SIRT1: variants seen among roughly 807,000 people sequenced by gnomAD.
SIRT1 encodes the protein NAD-dependent protein deacetylase sirtuin-1.
Under a neutral mutation model 67.9 loss-of-function variants are expected in SIRT1, and 24 were observed. The ratio of observed to expected loss-of-function variants is 0.35; its 90% CI spans 0.26 to 0.50. SIRT1 has a LOEUF of 0.50. SIRT1 is among the 20% of genes least tolerant of loss of function. The probability of loss-of-function intolerance (pLI) is 0.98; values close to 1 mark genes in which losing one functional copy is unlikely to be tolerated. For synonymous variants in SIRT1, 378 were observed against 350.7 expected (o/e 1.08, Z -0.87); for missense variants, 873 against 937.2 (o/e 0.93, Z 0.89).
Position 67,916,343 on chromosome 10 carries a change from T to A in SIRT1, c.1994T>A (p.Val665Asp), listed in dbSNP as rs1246002188. 46 of 1,614,076 alleles carry A rather than the reference T, an allele frequency of 2.8e-5. No homozygotes were observed. Among genetic ancestry groups the A allele is most frequent in the Non-Finnish European group, 3.0e-5 (35 of 1,180,012 alleles). The change falls in exon 9 of 9, where the codon GTC (valine) becomes GAC (aspartate). Residue 665 changes from valine to aspartate, a missense_variant. Transcript: ENST00000212015. ...AEVYSDSEDD[V>D]LSSSSCGSNS... ...GTATATTCAGACTCTGAAGATGACG[T>A]CTTATCCTCTAGTTCTTGTGGCAGT...
chr10:67,891,059 A>G (rs1564884130), intron 3 of SIRT1, among the ~76,000 whole-genome samples: 1 of 151,970 alleles, frequency 6.6e-6, no homozygotes, highest in Non-Finnish European at 1.5e-5. Flanking sequence ...AAAAAAAGAA[A>G]AAATTCTTCC....
At position 67,908,095 on chromosome 10, in the gene SIRT1, T is replaced by C. The variant is rs202195677; in HGVS notation, c.1140T>C (p.Cys380=). The C allele has an allele frequency of 6.2e-7, 1 of 1,613,660 alleles. No individual in the cohort carries two copies. The highest frequency in any genetic ancestry group is 2.2e-5 in the East Asian group (1 of 44,780). The change falls in exon 6 of 9, where the codon TGT becomes TGC. Residue 380 remains cysteine (C), a synonymous_variant. Transcript: ENST00000212015. ...SCLICKYKVD[C]EAVRGDIFNQ... ...TGATTTGTAAATACAAAGTTGACTGTGAAGCTGTACGAGGAGATATTTTTA... is the reference window on the plus strand; with the variant it reads ...TGATTTGTAAATACAAAGTTGACTGCGAAGCTGTACGAGGAGATATTTTTA...
Position 67,913,417 on chromosome 10 carries a change from C to T in SIRT1, c.1915+386C>T, listed in dbSNP as rs115337721. Among the ~76,000 whole-genome samples the T allele has an allele frequency of 8.2e-3, 1,254 of 152,258 alleles. 15 individuals carry two copies. The highest frequency in any genetic ancestry group is 0.029 in the African/African-American group (1,186 of 41,540). Reference sequence around the variant, plus strand: ...TCAGGACCATAGAGGTTAAATACCTCATGCACAGTAACTACTAAGAAGTGG... The same window carrying T: ...TCAGGACCATAGAGGTTAAATACCTTATGCACAGTAACTACTAAGAAGTGG... On this transcript the variant is annotated intron_variant, in intron 8 of 8. Transcript: ENST00000212015.
chr10:67,910,124 C>G (rs1564892920), intron 7 of SIRT1, among the ~76,000 whole-genome samples: 1 of 152,020 alleles, frequency 6.6e-6, no homozygotes, highest in Non-Finnish European at 1.5e-5. Context: ...CCTGTAATCT[C>G]AGCACTTTGG....
chr10:67,904,912 A>G, intron 4 of SIRT1, among the ~76,000 whole-genome samples: 1 of 151,624 alleles, frequency 6.6e-6, no homozygotes. Flanking sequence ...TCTTAAAGGT[A>G]GTTGAATTAA....
In SIRT1 at chr10:67,905,125, T is replaced by C. The variant is rs572972747; in HGVS notation, c.943-1665T>C. ...CATGCTATTATCACTTGCTTACTAT[T>C]ATAGGTCCTATTTTATCTGTTGCCT... On this transcript the variant is annotated intron_variant, in intron 4 of 8. Coordinates refer to ENST00000212015, the MANE Select transcript of SIRT1 (RefSeq NM_012238.5). 9.3e-4 allele frequency among the ~76,000 whole-genome samples: 141 copies of C among 152,308 alleles called. 1 individual carries two copies. The highest frequency in any genetic ancestry group is 3.4e-3 in the Middle Eastern group (1 of 294).
intron 4 of SIRT1, among the ~76,000 whole-genome samples, chr10:67,900,925 T>A (rs2131869525): frequency 6.6e-6 from 1 of 152,342 alleles, no homozygotes; most frequent in East Asian, 1.9e-4. Flanking sequence ...GGATATATAA[T>A]AGTTGTACGT....
chr10:67,891,054 AAG>A (rs1842564905), intron 3 of SIRT1, among the ~76,000 whole-genome samples: 2 of 151,846 alleles, frequency 1.3e-5, no homozygotes, highest in Admixed American at 6.6e-5. Context: ...CAAAAAAAAA[AAG>A]AAAAAATTCT....
rs1276327044 is a variant in SIRT1, at chr10:67,906,673, C to T, written c.943-117C>T. 4 of 1,026,404 alleles carry T rather than the reference C, an allele frequency of 3.9e-6. No homozygotes were observed. In the Admixed American group the frequency reaches 8.2e-5, roughly 21 times the overall value. The allele number at this position is 1,026,404 out of a possible 1,614,324, so 63.6% of individuals were successfully genotyped here. On this transcript the variant is annotated intron_variant, in intron 4 of 8. Transcript: ENST00000212015. Reference sequence around the variant, plus strand: ...ATCCATCTAGATACTTTAAAATGCTCATCTATTTCATTTTTAAAATTATGT... The same window carrying T: ...ATCCATCTAGATACTTTAAAATGCTTATCTATTTCATTTTTAAAATTATGT...
intron 4 of SIRT1, among the ~76,000 whole-genome samples, chr10:67,903,134 G>A (rs1197055213): frequency 6.6e-6 from 1 of 152,100 alleles, no homozygotes; most frequent in Non-Finnish European, 1.5e-5. Flanking sequence ...GCGGGCTGGA[G>A]TGTAGTGCCC....
chr10:67,902,175 G>GT (rs2131871799), intron 4 of SIRT1, among the ~76,000 whole-genome samples: 1 of 152,178 alleles, frequency 6.6e-6, no homozygotes, highest in South Asian at 2.1e-4. Flanking sequence ...TTTTAGTAAA[G>GT]ACAGGGTTTC....
At position 67,900,993 on chromosome 10, in the gene SIRT1, C is replaced by T. The variant is rs551963724; in HGVS notation, c.943-5797C>T. Among the ~76,000 whole-genome samples, 9 of 152,144 alleles carry T rather than the reference C, an allele frequency of 5.9e-5. No individual in the cohort carries two copies. The East Asian group carries it at 1.7e-3, about 29-fold the overall frequency. On this transcript the variant is annotated intron_variant, in intron 4 of 8. Coordinates refer to ENST00000212015, the MANE Select transcript of SIRT1 (RefSeq NM_012238.5). ...TTGGGATTCCAGCCTTTAGTAGTCCCATGAAGGTGAGCAAACTGAAATGTA... is the reference window on the plus strand; with the variant it reads ...TTGGGATTCCAGCCTTTAGTAGTCCTATGAAGGTGAGCAAACTGAAATGTA...
intron 4 of SIRT1, among the ~76,000 whole-genome samples, chr10:67,901,298 A>AT (rs894543230): frequency 9.8e-4 from 147 of 150,578 alleles, no homozygotes; most frequent in African/African-American, 3.0e-3. Context: ...ATGCCCGGCT[A>AT]TTTTTTTTTG....
Position 67,918,304 on chromosome 10 carries a change from C to T in SIRT1, c.*1711C>T, listed in dbSNP as rs1460931916. On this transcript the variant is annotated 3_prime_UTR_variant, in exon 9 of 9. Coordinates refer to ENST00000212015, the MANE Select transcript of SIRT1 (RefSeq NM_012238.5). ...TTAATGACTGGATATCTTCCTTCAA[C>T]TTTTGAAATACAAAACCAGTGTTTT... 6.6e-6 allele frequency: 1 copy of T among 152,602 alleles called. No individual in the cohort carries two copies. Among genetic ancestry groups the T allele is most frequent in the Non-Finnish European group, 1.5e-5 (1 of 68,034 alleles). 9.5% of individuals were successfully genotyped at this position (152,602 alleles called of 1,614,324 possible).
chr10:67,898,008 C>T (rs1446733104), intron 4 of SIRT1, among the ~76,000 whole-genome samples: 2 of 139,326 alleles, frequency 1.4e-5, no homozygotes, highest in Admixed American at 1.5e-4. Flanking sequence ...TGGTGGCTCA[C>T]GCCTGTAATC....
intron 5 of SIRT1, among the ~76,000 whole-genome samples, chr10:67,907,490 C>CAAAAAAAAAA (rs373037115): frequency 9.2e-5 from 10 of 108,930 alleles, no homozygotes; most frequent in African/African-American, 3.9e-4. Context: ...GAGACTCTGT[C>CAAAAAAAAAA]AAAAAAAAAA....
At chr10:67,902,515 C>T (rs1289599436) in intron 4 of SIRT1, among the ~76,000 whole-genome samples, 1 of 152,068 alleles carries the variant, frequency 6.6e-6, no homozygotes, top group East Asian at 1.9e-4. Context: ...TATTGAAATA[C>T]AGTTGAATTT....
At chr10:67,908,346 T>C (rs191706217) in intron 6 of SIRT1, among the ~76,000 whole-genome samples, 1 of 152,218 alleles carries the variant, frequency 6.6e-6, no homozygotes, top group African/African-American at 2.4e-5. Flanking sequence ...AATTGGCTTC[T>C]TAGTATCTAA....
chr10:67,910,813 TTCC>T (rs1369248213), intron 7 of SIRT1, among the ~76,000 whole-genome samples: 4 of 152,224 alleles, frequency 2.6e-5, no homozygotes, highest in East Asian at 3.8e-4. Context: ...TACTGTCTGT[TTCC>T]TCCTCTAGTT....
Sources: gnomAD v4.1 joint callset for allele counts (sites outside exome capture counted in the v4.1 genomes callset) on GRCh38, gnomAD v4.1.1 for gene constraint, MANE v1.5 for transcripts, NCBI Gene and HGNC (gene_info 2026-07-23, HGNC 2026-07-21) for gene names.